The following COL5A2 variants were observed in gnomAD, a reference collection of about 807,000 sequenced individuals.
The protein encoded by COL5A2 is collagen alpha-2(V) chain.
COL5A2 carries 23 observed loss-of-function variants against 208.2 expected under a neutral mutation model. That is an observed-to-expected ratio of 0.11 (90% CI 0.08 to 0.16). COL5A2 has a LOEUF of 0.16. Among genes scored for constraint, COL5A2 ranks in the 10% least tolerant of loss-of-function variants. COL5A2 has a pLI of 1.00. For synonymous variants in COL5A2, 625 were observed against 628.5 expected, an observed-to-expected ratio of 0.99 and a Z score of 0.08; for missense variants, 1,590 against 1,956.4, an observed-to-expected ratio of 0.81 and a Z score of 3.53.
chr2:189,259,999 G>A, the COL5A2 span, among the ~76,000 whole-genome samples: 1 of 152,162 alleles, frequency 6.6e-6, no homozygotes. Flanking sequence ...AATGCCCAAT[G>A]CTGGATACAA....
chr2:189,335,964 C>A, the COL5A2 span, among the ~76,000 whole-genome samples: 2 of 152,026 alleles, frequency 1.3e-5, no homozygotes, highest in Admixed American at 6.5e-5. Flanking sequence ...AATGAATAGA[C>A]AAGACACAGA....
chr2:189,176,481 C>T (rs1688680240), intron 1 of COL5A2, among the ~76,000 whole-genome samples: 1 of 152,118 alleles, frequency 6.6e-6, no homozygotes, highest in Non-Finnish European at 1.5e-5. Flanking sequence ...TCTGCACCTT[C>T]CCTTCTCCAT....
intron 12 of COL5A2, among the ~76,000 whole-genome samples, chr2:189,082,274 A>C (rs2105640702): frequency 6.6e-6 from 1 of 152,338 alleles, no homozygotes; most frequent in African/African-American, 2.4e-5. Flanking sequence ...ACAAAATCAA[A>C]GCAATAATTC....
At chr2:189,388,250 G>A in the COL5A2 span, among the ~76,000 whole-genome samples, 1 of 152,156 alleles carries the variant, frequency 6.6e-6, no homozygotes, top group Non-Finnish European at 1.5e-5. Flanking sequence ...AAGGCAGGGA[G>A]TGCTAGAGGG....
At chr2:189,419,939 A>G in the COL5A2 span, among the ~76,000 whole-genome samples, 2 of 143,578 alleles carry the variant, frequency 1.4e-5, no homozygotes, top group Non-Finnish European at 3.1e-5. Context: ...GAGGAGAGGA[A>G]AGGAAAGGAA....
the COL5A2 span, among the ~76,000 whole-genome samples, chr2:189,423,645 CACAT>C: frequency 1.3e-5 from 2 of 151,964 alleles, no homozygotes; most frequent in African/African-American, 2.4e-5. Context: ...AATTCCTTGA[CACAT>C]ACAAGATTGA....
chr2:189,095,539 A>C (rs1686890472), intron 6 of COL5A2, among the ~76,000 whole-genome samples: 1 of 151,708 alleles, frequency 6.6e-6, no homozygotes. Flanking sequence ...ACACGCACAC[A>C]CTTATACCCA....
At chr2:189,080,180 C>A (rs1686500027) in intron 13 of COL5A2, 149 bp from the exon 14 acceptor site, 1 of 667,952 alleles carries the variant, frequency 1.5e-6, no homozygotes, top group Non-Finnish European at 2.6e-6. Context: ...AATTCTCAAA[C>A]TTTTCTGAAA....
the COL5A2 span, among the ~76,000 whole-genome samples, chr2:189,328,385 C>T: frequency 2.0e-5 from 3 of 152,180 alleles, no homozygotes; most frequent in Non-Finnish European, 4.4e-5. Context: ...TCCCAGAGAG[C>T]TAAATCACTG....
At chr2:189,350,454 A>G in the COL5A2 span, among the ~76,000 whole-genome samples, 1 of 152,208 alleles carries the variant, frequency 6.6e-6, no homozygotes, top group African/African-American at 2.4e-5. Context: ...AACCACACGA[A>G]AAATAAAATG....
At chr2:189,344,035 C>T in the COL5A2 span, among the ~76,000 whole-genome samples, 6 of 152,254 alleles carry the variant, frequency 3.9e-5, no homozygotes, top group Admixed American at 6.5e-5. Flanking sequence ...ACTTAATTTA[C>T]GACCACTATT....
At chr2:189,299,993 G>A in the COL5A2 span, among the ~76,000 whole-genome samples, 1 of 152,066 alleles carries the variant, frequency 6.6e-6, no homozygotes, top group South Asian at 2.1e-4. Flanking sequence ...TATACTGGCG[G>A]CAGTTCTCAT....
chr2:189,050,061 C>T (rs1194252302), intron 43 of COL5A2, among the ~76,000 whole-genome samples: 57 of 152,038 alleles, frequency 3.7e-4, no homozygotes, highest in Admixed American at 3.7e-3. Flanking sequence ...AAACTTTTAT[C>T]CATACTCCAG....
At chr2:189,396,789 T>C in the COL5A2 span, among the ~76,000 whole-genome samples, 1 of 151,564 alleles carries the variant, frequency 6.6e-6, no homozygotes, top group Non-Finnish European at 1.5e-5. Context: ...GGGGAGGAGT[T>C]TGAGACCAAT....
chr2:189,128,728 T>G (rs1001130651), intron 1 of COL5A2, among the ~76,000 whole-genome samples: 1 of 152,030 alleles, frequency 6.6e-6, no homozygotes, highest in Non-Finnish European at 1.5e-5. Context: ...TCCAATGATG[T>G]GCAACAAGAA....
intron 1 of COL5A2, among the ~76,000 whole-genome samples, chr2:189,217,775 C>A (rs61625679): frequency 0.032 from 4,943 of 152,224 alleles, 86 homozygotes; most frequent in Admixed American, 0.047. Context: ...CCTGTTCTCT[C>A]CCTAGCCTTT....
At chr2:189,216,118 T>G (rs1023064253) in intron 1 of COL5A2, among the ~76,000 whole-genome samples, 2 of 152,194 alleles carry the variant, frequency 1.3e-5, no homozygotes, top group Admixed American at 1.3e-4. Context: ...TAACAAACAC[T>G]TCTTTGGTCA....
chr2:189,346,644 C>A, the COL5A2 span, among the ~76,000 whole-genome samples: 1 of 152,030 alleles, frequency 6.6e-6, no homozygotes, highest in Non-Finnish European at 1.5e-5. Flanking sequence ...GTTTAGAAAA[C>A]AGAAACCAAA....
chr2:189,350,767 C>G, the COL5A2 span, among the ~76,000 whole-genome samples: 1 of 152,146 alleles, frequency 6.6e-6, no homozygotes, highest in Non-Finnish European at 1.5e-5. Flanking sequence ...GGCCAGGAGA[C>G]TGCTGAGAAA....
Sources: gnomAD v4.1 joint callset for allele counts (sites outside exome capture counted in the v4.1 genomes callset) on GRCh38, gnomAD v4.1.1 for gene constraint, MANE v1.5 for transcripts, NCBI Gene and HGNC (gene_info 2026-07-23, HGNC 2026-07-21) for gene names.